SH3RF1: variants seen among roughly 807,000 people sequenced by gnomAD.
The protein encoded by SH3RF1 is E3 ubiquitin-protein ligase SH3RF1.
Under a neutral mutation model 74.0 loss-of-function variants are expected in SH3RF1, and 32 were observed. The ratio of observed to expected loss-of-function variants is 0.43; its 90% CI spans 0.33 to 0.58. SH3RF1 has a LOEUF of 0.58. SH3RF1 is among the 20% of genes least tolerant of loss of function. The pLI, the probability that SH3RF1 is intolerant of heterozygous loss-of-function variation, is 0.05. For synonymous variants in SH3RF1, 396 were observed against 439.6 expected (o/e 0.90, Z 1.24); for missense variants, 954 against 1,130.9 (o/e 0.84, Z 2.24).
intron 8 of SH3RF1, among the ~76,000 whole-genome samples, chr4:169,119,085 CTAGAGT>C (rs1219192980): frequency 6.6e-6 from 1 of 151,956 alleles, no homozygotes; most frequent in Non-Finnish European, 1.5e-5. Context: ...ACATATTCCT[CTAGAGT>C]TAAACAAACA....
At chr4:169,134,645 T>C (rs1733666893) in intron 5 of SH3RF1, among the ~76,000 whole-genome samples, 3 of 152,210 alleles carry the variant, frequency 2.0e-5, no homozygotes, top group Admixed American at 2.0e-4. Flanking sequence ...CAAAAATCTT[T>C]AGTTCTGAAC....
chr4:169,228,925 AAAC>A (rs1342051601), intron 2 of SH3RF1, among the ~76,000 whole-genome samples: 2 of 152,184 alleles, frequency 1.3e-5, no homozygotes, highest in African/African-American at 4.8e-5. Flanking sequence ...TACTTTAAAA[AAAC>A]AAAAAAAATT....
At chr4:169,183,544 G>A (rs1253413866) in intron 2 of SH3RF1, among the ~76,000 whole-genome samples, 1 of 151,958 alleles carries the variant, frequency 6.6e-6, no homozygotes, top group East Asian at 1.9e-4. Context: ...GCTTCCCAAA[G>A]TGCTGGGATT....
In SH3RF1 at chr4:169,126,617, C is replaced by G. The variant is rs562448453; in HGVS notation, c.1179+3429G>C. Among the ~76,000 whole-genome samples the G allele has an allele frequency of 3.3e-5, 5 of 152,162 alleles. No homozygotes were observed. In the South Asian group the frequency reaches 1.0e-3, roughly 32 times the overall value. On this transcript the variant is annotated intron_variant, in intron 6 of 11. Transcript: ENST00000284637. ...TTATTTTTGTTTTTTTTAGGAACAG[C>G]ATCTAGTCCTGGCTGGAGTGCAGTG... is the stretch of plus-strand genomic sequence containing the variant.
In SH3RF1 at chr4:169,096,746, G is replaced by A. The variant is rs533095621; in HGVS notation, c.2499-59C>T. On this transcript the variant is annotated intron_variant, in intron 11 of 11. Transcript: ENST00000284637. ...CAAAGCAGTGATTTTAAAAAATGGT[G>A]TACTGTTAGTCTGCACGAACCTTCA... 87 of 1,512,872 alleles carry A rather than the reference G, an allele frequency of 5.8e-5. No homozygotes were observed. The East Asian group carries it at 1.9e-3, about 32-fold the overall frequency. The allele number at this position is 1,512,872 out of a possible 1,614,324, so 93.7% of individuals were successfully genotyped here. A position where few individuals can be genotyped will look rare whatever the true frequency, so the allele number is the denominator to read the frequency against.
Position 169,197,478 on chromosome 4 carries a change from T to C in SH3RF1, c.394-40799A>G, listed in dbSNP as rs1319642903. Among the ~76,000 whole-genome samples, 4 of 151,738 alleles carry C rather than the reference T, an allele frequency of 2.6e-5. No individual in the cohort carries two copies. In the East Asian group the frequency reaches 7.8e-4, roughly 30 times the overall value. ...CCGTCTCTACTAAAAACACAAAAAT[T>C]AGCCAGTCGTGGTGGTGCCCCTGTA... On this transcript the variant is annotated intron_variant, in intron 2 of 11. Transcript: ENST00000284637.
At chr4:169,120,615 A>G (rs938049095) in intron 8 of SH3RF1, among the ~76,000 whole-genome samples, 5 of 152,212 alleles carry the variant, frequency 3.3e-5, no homozygotes, top group African/African-American at 7.2e-5. Context: ...GTAGAAACCT[A>G]TAATTTCACA....
At chr4:169,146,207 ATATAT>A (rs1013960713) in intron 4 of SH3RF1, among the ~76,000 whole-genome samples, 1 of 143,052 alleles carries the variant, frequency 7.0e-6, no homozygotes, top group East Asian at 2.0e-4. Context: ...TATAAAATCT[ATATAT>A]TATATGTTTT....
At chr4:169,112,234 T>G (rs1379649622) in intron 10 of SH3RF1, among the ~76,000 whole-genome samples, 1 of 152,218 alleles carries the variant, frequency 6.6e-6, no homozygotes, top group Admixed American at 6.5e-5. Flanking sequence ...AAGTCTCAAC[T>G]GAAACTAGGA....
At chr4:169,101,226 A>G (rs2126934704) in intron 11 of SH3RF1, among the ~76,000 whole-genome samples, 1 of 152,340 alleles carries the variant, frequency 6.6e-6, no homozygotes, top group East Asian at 1.9e-4. Flanking sequence ...AGTGGCAAAA[A>G]GAAAAAGCCT....
intron 2 of SH3RF1, among the ~76,000 whole-genome samples, chr4:169,187,852 G>T (rs1734634797): frequency 6.6e-6 from 1 of 152,128 alleles, no homozygotes; most frequent in Non-Finnish European, 1.5e-5. Flanking sequence ...AGCCTTATTA[G>T]AAATAGGGTC....
chr4:169,143,502 G>C (rs1733819959), intron 4 of SH3RF1, among the ~76,000 whole-genome samples: 1 of 151,770 alleles, frequency 6.6e-6, no homozygotes, highest in African/African-American at 2.4e-5. Flanking sequence ...TGCAACACAG[G>C]GTGGCTGTGC....
rs1733158237 is a variant in SH3RF1, at chr4:169,107,093, A to G, written c.2252T>C (p.Leu751Pro). ...TLEVELGSAELPLQGAVGPEL... is the reference protein window; with the variant it reads ...TLEVELGSAEPPLQGAVGPEL... ...GGGCCCCACCGCTCCCTGGAGAGGA[A>G]GCTCTGCACTGCCCAGCTCCACTTC... Residue 751 changes from leucine to proline, a missense_variant, in exon 11 of 12, where the codon CTT becomes CCT. This residue lies in a region of SH3RF1 where 854 missense variants were observed against 962.5 expected (regional missense o/e 0.89). Coordinates refer to ENST00000284637, the MANE Select transcript of SH3RF1 (RefSeq NM_020870.4). 1 of 1,613,996 alleles carries G rather than the reference A, an allele frequency of 6.2e-7. No individual in the cohort carries two copies.
chr4:169,223,230 T>C (rs1730597096), intron 2 of SH3RF1, among the ~76,000 whole-genome samples: 1 of 152,142 alleles, frequency 6.6e-6, no homozygotes, highest in African/African-American at 2.4e-5. Flanking sequence ...GATAGTAACA[T>C]GCAATGGCCA....
intron 2 of SH3RF1, among the ~76,000 whole-genome samples, chr4:169,173,789 T>G (rs1277120919): frequency 6.6e-6 from 1 of 151,848 alleles, no homozygotes; most frequent in African/African-American, 2.4e-5. Context: ...AGAGGAGGGG[T>G]AGCAAGTTGG....
Position 169,185,264 on chromosome 4 carries a change from T to C in SH3RF1, c.394-28585A>G, listed in dbSNP as rs865813954. On this transcript the variant is annotated intron_variant, in intron 2 of 11. Transcript: ENST00000284637. ...TGCAATCTGGGATCCCACACCTGAA[T>C]GCAGGGAGAACAGCCAAGAGAGAAA... Among the ~76,000 whole-genome samples, 3 of 152,164 alleles carry C rather than the reference T, an allele frequency of 2.0e-5. 1 individual carries two copies. The South Asian group carries it at 6.2e-4, about 32-fold the overall frequency.
intron 4 of SH3RF1, among the ~76,000 whole-genome samples, chr4:169,138,378 A>T (rs573917927): frequency 6.6e-6 from 1 of 152,218 alleles, no homozygotes; most frequent in South Asian, 2.1e-4. Context: ...CCTCCATCCC[A>T]AACACAACAT....
intron 8 of SH3RF1, among the ~76,000 whole-genome samples, chr4:169,119,407 C>T (rs749967806): frequency 1.0e-4 from 15 of 149,264 alleles, no homozygotes; most frequent in South Asian, 4.3e-4. Flanking sequence ...GGATTACAGG[C>T]GTGAGCCACT....
intron 6 of SH3RF1, among the ~76,000 whole-genome samples, chr4:169,129,479 G>T (rs1019860360): frequency 6.6e-6 from 1 of 152,092 alleles, no homozygotes; most frequent in Non-Finnish European, 1.5e-5. Context: ...GCAATTAGCC[G>T]TTTAGACTCT....
Sources: allele counts gnomAD v4.1 joint callset (sites outside exome capture counted in the v4.1 genomes callset), GRCh38; gene constraint gnomAD v4.1.1; regional missense constraint gnomAD v4.1.1; transcripts MANE v1.5; gene names NCBI Gene and HGNC (gene_info 2026-07-23, HGNC 2026-07-21).